SLC24A3: variants seen among roughly 807,000 people sequenced by gnomAD.
SLC24A3 encodes sodium/potassium/calcium exchanger 3.
SLC24A3 carries 28 observed loss-of-function variants against 75.8 expected under a neutral mutation model. The observed-to-expected ratio is 0.37, with a 90% confidence interval of 0.27 to 0.51. The LOEUF is 0.51. Ranked by LOEUF, SLC24A3 falls within the 20% of genes least tolerant of loss-of-function variation. The pLI is 0.94. For missense variants in SLC24A3, 663 were observed against 847.8 expected, an observed-to-expected ratio of 0.78 and a Z score of 2.71; for synonymous variants, 372 against 334.1, an observed-to-expected ratio of 1.11 and a Z score of -1.24.
At chr20:19,385,088 G>A (rs1263881588) in intron 2 of SLC24A3, among the ~76,000 whole-genome samples, 1 of 151,880 alleles carries the variant, frequency 6.6e-6, no homozygotes, top group Non-Finnish European at 1.5e-5. Flanking sequence ...CATTTCTTAG[G>A]TTGCCTCTTC....
chr20:19,424,827 C>G (rs920470579), intron 2 of SLC24A3, among the ~76,000 whole-genome samples: 8 of 149,624 alleles, frequency 5.3e-5, no homozygotes, highest in Admixed American at 4.0e-4. Context: ...CACAATGTCA[C>G]TGCTATTCTA....
chr20:19,290,825 A>G (rs1983923657), intron 2 of SLC24A3, among the ~76,000 whole-genome samples: 2 of 152,194 alleles, frequency 1.3e-5, no homozygotes, highest in Admixed American at 1.3e-4. Flanking sequence ...ACCGCCAGCC[A>G]CATGTAAGAC....
chr20:19,648,471 A>G (rs1472864596), intron 6 of SLC24A3, among the ~76,000 whole-genome samples: 2 of 151,166 alleles, frequency 1.3e-5, no homozygotes, highest in Non-Finnish European at 3.0e-5. Flanking sequence ...TTTAAAGCAA[A>G]TACTCACAAA....
intron 2 of SLC24A3, among the ~76,000 whole-genome samples, chr20:19,514,561 C>G (rs6136759): frequency 1.3e-5 from 2 of 152,010 alleles, no homozygotes; most frequent in African/African-American, 2.4e-5. Flanking sequence ...TGCTTCCTGC[C>G]GCGCCTGGTG....
At position 19,422,166 on chromosome 20, in the gene SLC24A3, A is replaced by T. The variant is rs1986928657; in HGVS notation, c.272-93322A>T. Reference sequence around the variant, plus strand: ...GACTGGGTAGAGCTGTCTGCAGGTAATCTCTGAGGGAATCTAAGTCTCCCC... The same window carrying T: ...GACTGGGTAGAGCTGTCTGCAGGTATTCTCTGAGGGAATCTAAGTCTCCCC... On this transcript the variant is annotated intron_variant, in intron 2 of 16. Coordinates refer to ENST00000328041, the MANE Select transcript of SLC24A3 (RefSeq NM_020689.4). 2.6e-5 allele frequency among the ~76,000 whole-genome samples: 4 copies of T among 151,990 alleles called. No homozygotes were observed. The South Asian group carries it at 8.3e-4, about 32-fold the overall frequency.
intron 4 of SLC24A3, among the ~76,000 whole-genome samples, chr20:19,582,627 C>T (rs1390965071): frequency 2.0e-5 from 3 of 152,204 alleles, no homozygotes; most frequent in African/African-American, 7.2e-5. Flanking sequence ...CTGTCTGGAC[C>T]TTACTTTCTC....
At chr20:19,511,241 T>C (rs1988530716) in intron 2 of SLC24A3, among the ~76,000 whole-genome samples, 1 of 152,112 alleles carries the variant, frequency 6.6e-6, no homozygotes, top group African/African-American at 2.4e-5. Flanking sequence ...GGGTCTGCTC[T>C]TGAGGGCCCC....
chr20:19,635,154 T>C (rs726389), intron 6 of SLC24A3, among the ~76,000 whole-genome samples: 4,491 of 152,264 alleles, frequency 0.029, 82 homozygotes, highest in East Asian at 0.1. Context: ...ACAAGCTCGT[T>C]GAAATAACAG....
intron 3 of SLC24A3, among the ~76,000 whole-genome samples, chr20:19,547,086 G>A (rs1568652054): frequency 6.6e-6 from 1 of 152,266 alleles, no homozygotes; most frequent in East Asian, 1.9e-4. Context: ...CTATTCCTGT[G>A]GTAGCTATTA....
chr20:19,620,552 A>G (rs2031790072), intron 6 of SLC24A3, among the ~76,000 whole-genome samples: 1 of 152,242 alleles, frequency 6.6e-6, no homozygotes, highest in Non-Finnish European at 1.5e-5. Context: ...ACCAGGGAGC[A>G]AACAGCTGGA....
intron 2 of SLC24A3, among the ~76,000 whole-genome samples, chr20:19,473,624 G>A (rs759677379): frequency 9.9e-5 from 15 of 152,208 alleles, no homozygotes; most frequent in Non-Finnish European, 1.5e-4. Flanking sequence ...TCTGAACCCC[G>A]GAAGCTGAAT....
At chr20:19,242,056 G>A (rs1178965599) in intron 1 of SLC24A3, among the ~76,000 whole-genome samples, 1 of 152,092 alleles carries the variant, frequency 6.6e-6, no homozygotes, top group South Asian at 2.1e-4. Context: ...ACATCTCTGT[G>A]TACCTCAATG....
At chr20:19,230,930 T>A (rs548961508) in intron 1 of SLC24A3, among the ~76,000 whole-genome samples, 3 of 152,340 alleles carry the variant, frequency 2.0e-5, no homozygotes, top group Non-Finnish European at 4.4e-5. Context: ...GCTTGAAATT[T>A]TTAGTTTGTT....
intron 2 of SLC24A3, among the ~76,000 whole-genome samples, chr20:19,434,154 A>G (rs1022011396): frequency 2.6e-5 from 4 of 152,240 alleles, no homozygotes; most frequent in Non-Finnish European, 5.9e-5. Flanking sequence ...ACCGAACAAG[A>G]TAAGTAAAGA....
chr20:19,217,457 G>T (rs1039799729), intron 1 of SLC24A3, among the ~76,000 whole-genome samples: 2 of 152,200 alleles, frequency 1.3e-5, no homozygotes, highest in Non-Finnish European at 2.9e-5. Flanking sequence ...ACAGACGTAT[G>T]TATGTATGCA....
intron 2 of SLC24A3, among the ~76,000 whole-genome samples, chr20:19,501,399 C>T (rs1264856756): frequency 6.6e-6 from 1 of 152,200 alleles, no homozygotes; most frequent in Non-Finnish European, 1.5e-5. Flanking sequence ...TTTCTTTCCT[C>T]TTCATAAAGC....
chr20:19,613,182 T>C (rs2031693682), intron 6 of SLC24A3, among the ~76,000 whole-genome samples: 1 of 152,270 alleles, frequency 6.6e-6, no homozygotes, highest in Non-Finnish European at 1.5e-5. Context: ...CCATCCTATG[T>C]ATCATCATGA....
chr20:19,347,312 A>C (rs753464759), intron 2 of SLC24A3, among the ~76,000 whole-genome samples: 17 of 152,202 alleles, frequency 1.1e-4, no homozygotes, highest in Non-Finnish European at 1.9e-4. Context: ...ACATGACATT[A>C]CATATTTTCA....
At chr20:19,678,007 G>C (rs2032548170) in intron 9 of SLC24A3, among the ~76,000 whole-genome samples, 1 of 151,576 alleles carries the variant, frequency 6.6e-6, no homozygotes, top group African/African-American at 2.4e-5. Flanking sequence ...ATGTTTCAGA[G>C]AGCACAGGGT....
Sources: gnomAD v4.1 joint callset for allele counts (sites outside exome capture counted in the v4.1 genomes callset) on GRCh38, gnomAD v4.1.1 for gene constraint, MANE v1.5 for transcripts, NCBI Gene and HGNC (gene_info 2026-07-23, HGNC 2026-07-21) for gene names.